Variants in TRAT1 observed in about 807,000 individuals in gnomAD.
TRAT1 encodes T-cell receptor-associated transmembrane adapter 1.
Under a neutral mutation model 20.0 loss-of-function variants are expected in TRAT1, and 20 were observed. That is an observed-to-expected ratio of 1.00 (90% confidence interval 0.70 to 1.45). TRAT1 has a LOEUF of 1.45. TRAT1 is among the 40% of genes most tolerant of loss of function. TRAT1 has a pLI of 0.00. For missense variants in TRAT1, 237 were observed against 224.1 expected (o/e 1.06, Z -0.37); for synonymous variants, 77 against 74.2 (o/e 1.04, Z -0.20).
At chr3:108,842,585 A>G (rs1186620871) in intron 3 of TRAT1, among the ~76,000 whole-genome samples, 1 of 152,170 alleles carries the variant, frequency 6.6e-6, no homozygotes, top group East Asian at 1.9e-4. Context: ...CCAGCCCTGT[A>G]TAACTACAAG....
intron 5 of TRAT1, among the ~76,000 whole-genome samples, chr3:108,852,997 G>A (rs542769042): frequency 3.5e-4 from 53 of 152,332 alleles, no homozygotes; most frequent in Admixed American, 9.1e-4. Context: ...GATGTGAATG[G>A]ATATCTCCAA....
intron 1 of TRAT1, among the ~76,000 whole-genome samples, chr3:108,823,389 A>G (rs1251706505): frequency 2.6e-5 from 4 of 152,184 alleles, no homozygotes; most frequent in African/African-American, 9.7e-5. Flanking sequence ...TGAAAATTCA[A>G]TTGCTGTGAG....
At chr3:108,847,160 A>T in intron 4 of TRAT1, 31 bp downstream of exon 4, 1 of 1,336,166 alleles carries the variant, frequency 7.5e-7, no homozygotes, top group Non-Finnish European at 1.1e-6. Flanking sequence ...ATTTATAAAT[A>T]AGTAAATCCC....
In TRAT1 at chr3:108,853,685, G is replaced by A. The variant is rs1946018511; in HGVS notation, c.369G>A (p.Lys123=). 1 of 1,614,108 alleles carries A rather than the reference G, an allele frequency of 6.2e-7. No homozygotes were observed. The highest frequency in any genetic ancestry group is 2.2e-5 in the East Asian group (1 of 44,884). The part of the protein sequence containing the change: ...LDHSVKGKRR[K]PRKQNTHFSD... ...ACAGCGTTAAGGGGAAGCGTAGAAAGCCCAGGAAACAGAATACTCATTTCT... is the reference window on the plus strand; with the variant it reads ...ACAGCGTTAAGGGGAAGCGTAGAAAACCCAGGAAACAGAATACTCATTTCT... The change falls in exon 6 of 6, where the codon AAG becomes AAA. Residue 123 remains lysine (K), a synonymous_variant. Coordinates refer to ENST00000295756, the MANE Select transcript of TRAT1 (RefSeq NM_016388.4).
chr3:108,849,243 C>G lies in TRAT1; in HGVS notation c.292C>G (p.Pro98Ala), dbSNP rs1183644058. ...TGTAAATAAGATGCAGGAAGCCACCCCATCTGCACAGGTGAGTTTTGTTTT... is the reference window on the plus strand; with the variant it reads ...TGTAAATAAGATGCAGGAAGCCACCGCATCTGCACAGGTGAGTTTTGTTTT... ...KSVNKMQEAT[P>A]SAQATNETQM... The change falls in exon 5 of 6, where the codon CCA becomes GCA. Residue 98 changes from proline (P) to alanine (A), a missense_variant. Transcript: ENST00000295756. 6.2e-6 allele frequency: 10 copies of G among 1,613,812 alleles called. No individual in the cohort carries two copies. The highest frequency in any genetic ancestry group is 4.4e-5 in the South Asian group (4 of 91,052).
chr3:108,844,949 G>A (rs189281076), intron 3 of TRAT1, among the ~76,000 whole-genome samples: 78 of 151,042 alleles, frequency 5.2e-4, no homozygotes, highest in Non-Finnish European at 1.0e-3. Flanking sequence ...TCTTAATTTT[G>A]GAGTGTCAGT....
At chr3:108,825,121 T>C (rs991397735) in intron 1 of TRAT1, among the ~76,000 whole-genome samples, 1 of 105,574 alleles carries the variant, frequency 9.5e-6, no homozygotes, top group Non-Finnish European at 2.4e-5. Context: ...AATCAGATGA[T>C]AGTATTTTTT....
intron 1 of TRAT1, among the ~76,000 whole-genome samples, chr3:108,829,481 G>A (rs1052544852): frequency 2.6e-5 from 4 of 152,000 alleles, no homozygotes; most frequent in Admixed American, 2.6e-4. Context: ...CTACTTGGGA[G>A]GCTGAGACAG....
At chr3:108,836,470 G>A (rs1945843520) in intron 2 of TRAT1, among the ~76,000 whole-genome samples, 2 of 152,002 alleles carry the variant, frequency 1.3e-5, no homozygotes, top group South Asian at 4.1e-4. Context: ...CTTTTGTCAA[G>A]AGTGAGATTT....
intron 1 of TRAT1, among the ~76,000 whole-genome samples, chr3:108,829,972 A>G (rs1490757700): frequency 1.3e-5 from 2 of 152,208 alleles, no homozygotes; most frequent in African/African-American, 4.8e-5. Flanking sequence ...GAGTTATTCC[A>G]GGAGGCATTG....
intron 2 of TRAT1, 93 bp downstream of exon 2, chr3:108,830,873 T>C (rs2290055): frequency 1.3e-6 from 1 of 786,572 alleles, no homozygotes. Context: ...TTTTATGAAA[T>C]GTCATTCAAC....
rs549126190 is a variant in TRAT1, at chr3:108,822,800, T to C, written c.-128T>C. On this transcript the variant is annotated 5_prime_UTR_variant, in exon 1 of 6. Coordinates refer to ENST00000295756, the MANE Select transcript of TRAT1 (RefSeq NM_016388.4). ...AAAGAATCCGAGGCACAGATAAAGA[T>C]AAGTTTTACTGTCATGCTGCTTTTA... 6.0e-6 allele frequency: 4 copies of C among 669,242 alleles called. No individual in the cohort carries two copies. Among genetic ancestry groups the C allele is most frequent in the South Asian group, 2.4e-5 (1 of 42,372 alleles). The allele number at this position is 669,242 out of a possible 1,614,324, so 41.5% of individuals were successfully genotyped here.
intron 2 of TRAT1, among the ~76,000 whole-genome samples, chr3:108,836,175 C>A (rs1197538581): frequency 6.6e-6 from 1 of 152,136 alleles, no homozygotes; most frequent in Non-Finnish European, 1.5e-5. Flanking sequence ...ACCTTGGCCT[C>A]CCAAAGTGCT....
Position 108,853,842 on chromosome 3 carries a change from G to A in TRAT1, c.526G>A (p.Gly176Arg). 6.2e-7 allele frequency: 1 copy of A among 1,614,006 alleles called. No homozygotes were observed. The highest frequency in any genetic ancestry group is 1.3e-5 in the African/African-American group (1 of 75,028). Reference sequence around the variant, plus strand: ...TCATGATGATCCCATCAGACTGTTTGGATTGATCCGTGCTAAGAGAGAACC... The same window carrying A: ...TCATGATGATCCCATCAGACTGTTTAGATTGATCCGTGCTAAGAGAGAACC... ...NIHDDPIRLF[G>R]LIRAKREPIN Residue 176 changes from glycine to arginine, a missense_variant, in exon 6 of 6, where the codon GGA becomes AGA. Gly to Arg is a moderately radical substitution (Grantham distance 125). Coordinates refer to ENST00000295756, the MANE Select transcript of TRAT1 (RefSeq NM_016388.4).
chr3:108,845,379 G>T (rs1329443230), intron 3 of TRAT1, among the ~76,000 whole-genome samples: 1 of 152,166 alleles, frequency 6.6e-6, no homozygotes, highest in Non-Finnish European at 1.5e-5. Context: ...ATCTATGTGG[G>T]CTAGGAAAAT....
intron 2 of TRAT1, among the ~76,000 whole-genome samples, chr3:108,838,434 ATTT>A (rs1190130243): frequency 6.6e-6 from 1 of 152,082 alleles, no homozygotes; most frequent in Non-Finnish European, 1.5e-5. Flanking sequence ...TCTCCTATTG[ATTT>A]TTTTCGTTTT....
intron 3 of TRAT1, among the ~76,000 whole-genome samples, chr3:108,841,459 T>A (rs1374786032): frequency 6.6e-6 from 1 of 152,056 alleles, no homozygotes; most frequent in Non-Finnish European, 1.5e-5. Context: ...TCTGAATCCA[T>A]TAAACATTAA....
intron 1 of TRAT1, among the ~76,000 whole-genome samples, chr3:108,823,984 G>A (rs968264340): frequency 1.3e-5 from 2 of 151,984 alleles, no homozygotes; most frequent in African/African-American, 4.8e-5. Context: ...CGATTCTCCT[G>A]CCTCAACCTC....
chr3:108,824,525 G>T (rs1460323812), intron 1 of TRAT1, among the ~76,000 whole-genome samples: 1 of 152,156 alleles, frequency 6.6e-6, no homozygotes, highest in Non-Finnish European at 1.5e-5. Context: ...GTGATAGTCT[G>T]ATGACCTCTT....
Sources: allele counts gnomAD v4.1 joint callset (sites outside exome capture counted in the v4.1 genomes callset), GRCh38; gene constraint gnomAD v4.1.1; transcripts MANE v1.5; gene names NCBI Gene and HGNC (gene_info 2026-07-23, HGNC 2026-07-21).